The following INTS9 variants were observed in gnomAD, a reference collection of about 807,000 sequenced individuals.
The protein encoded by INTS9 is integrator complex subunit 9, also known as protein related to CPSF subunits of 74 kDa.
Under a neutral mutation model 79.7 loss-of-function variants are expected in INTS9, and 55 were observed. That is an observed-to-expected ratio of 0.69 (90% confidence interval 0.56 to 0.86). The LOEUF (loss-of-function observed/expected upper bound fraction) is 0.86, where lower values mean the gene tolerates loss of function less well. INTS9 is among the 40% of genes least tolerant of loss of function. The pLI is 0.00. For synonymous variants in INTS9, 319 were observed against 325.2 expected, an observed-to-expected ratio of 0.98 and a Z score of 0.20; for missense variants, 721 against 831.5, an observed-to-expected ratio of 0.87 and a Z score of 1.64.
Position 28,813,485 on chromosome 8 carries a change from T to A in INTS9, c.609+7A>T, listed in dbSNP as rs1299167254. 1.9e-6 allele frequency: 3 copies of A among 1,612,114 alleles called. No individual in the cohort carries two copies. In the African/African-American group the frequency reaches 4.0e-5, roughly 22 times the overall value. ...ATGAATAACTGAAATGTAATATGAA[T>A]ACTCACAATTTTCTGAGAATATCCC... On this transcript the variant is annotated splice_region_variant and intron_variant, in intron 7 of 16. Transcript: ENST00000521022.
At chr8:28,773,427 G>T (rs536720210) in intron 14 of INTS9, among the ~76,000 whole-genome samples, 1 of 135,816 alleles carries the variant, frequency 7.4e-6, no homozygotes, top group Admixed American at 7.8e-5. Flanking sequence ...TCGCGCCAAT[G>T]CACTCCAGCT....
At position 28,859,533 on chromosome 8, in the gene INTS9, A is replaced by C. The variant is rs1444664199; in HGVS notation, c.40T>G (p.Cys14Gly). The C allele has an allele frequency of 2.1e-5, 34 of 1,614,052 alleles. No homozygotes were observed. Among genetic ancestry groups the C allele is most frequent in the Non-Finnish European group, 2.6e-5 (31 of 1,179,990 alleles). ...YCLSGHPTLP[C>G]NVLKFKSTTI... Reference sequence around the variant, plus strand: ...GTTGATTTGAATTTGAGCACATTGCATGGTAAGGTTGGGTGCCCTGACAGG... The same window carrying C: ...GTTGATTTGAATTTGAGCACATTGCCTGGTAAGGTTGGGTGCCCTGACAGG... The change falls in exon 2 of 17, where the codon TGC (cysteine) becomes GGC (glycine). Residue 14 changes from cysteine to glycine, a missense_variant. This residue lies in a region of INTS9 where 291 missense variants were observed against 307.0 expected (regional missense o/e 0.95). Coordinates refer to ENST00000521022, the MANE Select transcript of INTS9 (RefSeq NM_018250.4).
intron 4 of INTS9, among the ~76,000 whole-genome samples, chr8:28,843,687 C>A (rs1431726689): frequency 6.6e-6 from 1 of 151,990 alleles, no homozygotes; most frequent in Admixed American, 6.5e-5. Context: ...GCTACAGTGA[C>A]AGCTTCATGT....
intron 1 of INTS9, among the ~76,000 whole-genome samples, chr8:28,878,954 G>C (rs931295137): frequency 6.7e-6 from 1 of 148,712 alleles, no homozygotes; most frequent in Non-Finnish European, 1.5e-5. Flanking sequence ...ACTCCGGCCT[G>C]GGTGACAGAG....
At chr8:28,771,604 G>C (rs2130845761) in intron 14 of INTS9, among the ~76,000 whole-genome samples, 1 of 152,354 alleles carries the variant, frequency 6.6e-6, no homozygotes, top group African/African-American at 2.4e-5. Context: ...TACCAAACGG[G>C]CAGAGGAAGC....
rs778136102 is a variant in INTS9 at position 28,768,133 on chromosome 8, T to A, written c.*13A>T. The stretch of plus-strand genomic sequence containing the variant: ...GACTGCAGGATTTCAGGGAAGTAGC[T>A]CAGATGGCCCACTCAGAACTTCTGT... On this transcript the variant is annotated 3_prime_UTR_variant, in exon 17 of 17. Coordinates refer to ENST00000521022, the MANE Select transcript of INTS9 (RefSeq NM_018250.4). 1.9e-6 allele frequency: 3 copies of A among 1,613,736 alleles called. No homozygotes were observed. In the Admixed American group the frequency reaches 5.0e-5, roughly 27 times the overall value.
rs11987313 is a variant in INTS9, at chr8:28,768,016, T to C, written c.*130A>G. 4,201 of 809,374 alleles carry C rather than the reference T, an allele frequency of 5.2e-3. 116 individuals carry two copies. In the African/African-American group the frequency reaches 0.062, roughly 12 times the overall value. The allele number at this position is 809,374 out of a possible 1,614,324, so 50.1% of individuals were successfully genotyped here. A position where few individuals can be genotyped will look rare whatever the true frequency, so the allele number is the denominator to read the frequency against. ...CAGACCATTTCCCTCAAGAGCCACC[T>C]CTTCACTCCTTAAGCCAGAGGACAC... On this transcript the variant is annotated 3_prime_UTR_variant, in exon 17 of 17. Transcript: ENST00000521022.
At chr8:28,838,616 A>G (rs1364522474) in intron 4 of INTS9, among the ~76,000 whole-genome samples, 1 of 152,080 alleles carries the variant, frequency 6.6e-6, no homozygotes, top group Non-Finnish European at 1.5e-5. Context: ...GTGTAACTCA[A>G]TTTTTAACTT....
At chr8:28,770,202 C>T (rs958851465) in intron 15 of INTS9, among the ~76,000 whole-genome samples, 176 bp from the exon 16 acceptor site, 48 of 152,378 alleles carry the variant, frequency 3.2e-4, no homozygotes, top group African/African-American at 1.0e-3. Context: ...CAGATCCACG[C>T]GCTCTAATGC....
chr8:28,881,847 C>T (rs1346593704), intron 1 of INTS9, among the ~76,000 whole-genome samples: 4 of 140,712 alleles, frequency 2.8e-5, no homozygotes, highest in African/African-American at 8.0e-5. Flanking sequence ...GTCAGCCCCC[C>T]GCCCGGCCAG....
chr8:28,794,866 C>T (rs1272765538), intron 9 of INTS9, among the ~76,000 whole-genome samples: 1 of 152,102 alleles, frequency 6.6e-6, no homozygotes, highest in Non-Finnish European at 1.5e-5. Flanking sequence ...GGTTAGTGGA[C>T]CCCACTTTGG....
chr8:28,788,159 A>G (rs1803720564), intron 10 of INTS9, among the ~76,000 whole-genome samples: 1 of 152,248 alleles, frequency 6.6e-6, no homozygotes, highest in Admixed American at 6.5e-5. Context: ...CTGCAAAGAC[A>G]GTACAGAGTT....
intron 15 of INTS9, 100 bp from the exon 16 acceptor site, chr8:28,770,126 C>T: frequency 7.0e-7 from 1 of 1,424,836 alleles, no homozygotes; most frequent in South Asian, 1.4e-5. Flanking sequence ...TCCTCACAGG[C>T]CACAGAGCCC....
intron 4 of INTS9, among the ~76,000 whole-genome samples, chr8:28,837,990 GC>G (rs1806913774): frequency 6.6e-6 from 1 of 152,058 alleles, no homozygotes; most frequent in African/African-American, 2.4e-5. Flanking sequence ...AACACAGCCA[GC>G]CCAGAGGCAG....
At chr8:28,854,582 T>A (rs529614495) in intron 2 of INTS9, among the ~76,000 whole-genome samples, 7 of 152,196 alleles carry the variant, frequency 4.6e-5, no homozygotes. Flanking sequence ...ACTCACTGAA[T>A]CTTTATTCGC....
In INTS9 at chr8:28,768,004, T is replaced by C. The variant is rs1331086344; in HGVS notation, c.*142A>G. The stretch of plus-strand genomic sequence containing the variant: ...TGGGAATAAGTCCAGACCATTTCCC[T>C]CAAGAGCCACCTCTTCACTCCTTAA... On this transcript the variant is annotated 3_prime_UTR_variant, in exon 17 of 17. Coordinates refer to ENST00000521022, the MANE Select transcript of INTS9 (RefSeq NM_018250.4). The C allele has an allele frequency of 5.3e-6, 4 of 756,844 alleles. No homozygotes were observed. The highest frequency in any genetic ancestry group is 9.0e-6 in the Non-Finnish European group (4 of 445,826). The allele number at this position is 756,844 out of a possible 1,614,324, so 46.9% of individuals were successfully genotyped here. A position where few individuals can be genotyped will look rare whatever the true frequency, so the allele number is the denominator to read the frequency against.
intron 6 of INTS9, among the ~76,000 whole-genome samples, chr8:28,820,441 T>C (rs1403324035): frequency 6.6e-6 from 1 of 152,248 alleles, no homozygotes; most frequent in Non-Finnish European, 1.5e-5. Context: ...TTCTTTTCTT[T>C]AAGAATGTTG....
intron 4 of INTS9, among the ~76,000 whole-genome samples, chr8:28,837,999 C>T (rs1004884135): frequency 3.9e-5 from 6 of 152,008 alleles, no homozygotes; most frequent in African/African-American, 1.5e-4. Flanking sequence ...AGCCCAGAGG[C>T]AGCACTCTGA....
Position 28,781,758 on chromosome 8 carries a change from C to T in INTS9, c.1099-764G>A, listed in dbSNP as rs114803394. Among the ~76,000 whole-genome samples the T allele has an allele frequency of 3.2e-3, 480 of 152,292 alleles. 3 individuals carry two copies. The highest frequency in any genetic ancestry group is 0.011 in the African/African-American group (454 of 41,556). Reference sequence around the variant, plus strand: ...ACTATACAGATAGTAAAAGGCTCAGCGGTCACCAGGGATTCGTGGAGAGTG... The same window carrying T: ...ACTATACAGATAGTAAAAGGCTCAGTGGTCACCAGGGATTCGTGGAGAGTG... On this transcript the variant is annotated intron_variant, in intron 11 of 16. Coordinates refer to ENST00000521022, the MANE Select transcript of INTS9 (RefSeq NM_018250.4).
Sources: gnomAD v4.1 joint callset for allele counts (sites outside exome capture counted in the v4.1 genomes callset) on GRCh38, gnomAD v4.1.1 for gene constraint, gnomAD v4.1.1 regional missense constraint, MANE v1.5 for transcripts, NCBI Gene and HGNC (gene_info 2026-07-23, HGNC 2026-07-21) for gene names.